MTUS2: variants seen among roughly 807,000 people sequenced by gnomAD.
MTUS2 encodes microtubule-associated tumor suppressor candidate 2.
MTUS2 carries 40 observed loss-of-function variants against 114.1 expected under a neutral mutation model. The ratio of observed to expected loss-of-function variants is 0.35; its 90% confidence interval spans 0.27 to 0.46. The LOEUF (loss-of-function observed/expected upper bound fraction) is 0.46, where lower values mean the gene tolerates loss of function less well. Ranked by LOEUF, MTUS2 falls within the 20% of genes least tolerant of loss-of-function variation. The probability of loss-of-function intolerance (pLI) is 1.00; values close to 1 mark genes in which losing one functional copy is unlikely to be tolerated. For synonymous variants in MTUS2, 688 were observed against 672.0 expected (o/e 1.02, Z -0.37); for missense variants, 1,679 against 1,705.4 (o/e 0.98, Z 0.27).
At chr13:29,311,021 T>C (rs909750292) in intron 6 of MTUS2, among the ~76,000 whole-genome samples, 5 of 152,230 alleles carry the variant, frequency 3.3e-5, no homozygotes, top group Admixed American at 2.6e-4. Context: ...TTGTGATGTA[T>C]GCACACAATG....
intron 4 of MTUS2, among the ~76,000 whole-genome samples, chr13:29,037,804 A>G (rs544661111): frequency 9.9e-5 from 15 of 152,232 alleles, no homozygotes; most frequent in African/African-American, 3.6e-4. Context: ...TGATCGATTC[A>G]GCTATTGATA....
chr13:29,239,971 C>A (rs5802514), intron 5 of MTUS2: 84,816 of 147,830 alleles, frequency 0.57, 24,166 homozygotes, highest in Non-Finnish European at 0.6. Flanking sequence ...GGAAAAAAAA[C>A]AACAACCCAG....
intron 2 of MTUS2, among the ~76,000 whole-genome samples, chr13:28,969,202 T>C (rs2138246159): frequency 6.6e-6 from 1 of 152,032 alleles, no homozygotes; most frequent in Admixed American, 6.5e-5. Context: ...CTACCGTGCC[T>C]GGCTAATTTT....
intron 2 of MTUS2, among the ~76,000 whole-genome samples, chr13:28,930,539 G>A (rs927263515): frequency 4.6e-5 from 7 of 152,200 alleles, no homozygotes; most frequent in East Asian, 1.9e-4. Flanking sequence ...TGAATAGAAG[G>A]TAGAGGAAAA....
intron 6 of MTUS2, among the ~76,000 whole-genome samples, chr13:29,323,483 C>T (rs548192616): frequency 2.6e-5 from 4 of 152,242 alleles, no homozygotes; most frequent in Admixed American, 2.0e-4. Context: ...ATCTCCTGAC[C>T]TCGTGATCCG....
At chr13:29,375,236 A>AT (rs1424098089) in intron 8 of MTUS2, among the ~76,000 whole-genome samples, 2 of 149,938 alleles carry the variant, frequency 1.3e-5, no homozygotes, top group African/African-American at 2.4e-5. Flanking sequence ...AAAGAAAATA[A>AT]TTTTTAAAGA....
intron 8 of MTUS2, chr13:29,428,497 T>G: frequency 9.8e-6 from 3 of 307,326 alleles, no homozygotes; most frequent in Non-Finnish European, 1.8e-5. Flanking sequence ...GGAGCCGGCA[T>G]TGGTAAATGC....
At chr13:29,020,623 T>C (rs978149429) in intron 2 of MTUS2, among the ~76,000 whole-genome samples, 14 of 152,248 alleles carry the variant, frequency 9.2e-5, no homozygotes, top group African/African-American at 3.1e-4. Flanking sequence ...TCCTGTCTTA[T>C]GTGAACTTCC....
chr13:28,854,066 G>C (rs1479202939), intron 2 of MTUS2, among the ~76,000 whole-genome samples: 1 of 152,176 alleles, frequency 6.6e-6, no homozygotes, highest in East Asian at 1.9e-4. Flanking sequence ...AGTGTCCACT[G>C]CTTGAGGGAC....
intron 5 of MTUS2, among the ~76,000 whole-genome samples, chr13:29,247,078 T>C (rs1896954059): frequency 6.6e-6 from 1 of 152,214 alleles, no homozygotes; most frequent in South Asian, 2.1e-4. Flanking sequence ...CACAGATCAA[T>C]TGGACAGAAT....
At chr13:29,042,643 C>A (rs575734259) in intron 4 of MTUS2, among the ~76,000 whole-genome samples, 1 of 152,080 alleles carries the variant, frequency 6.6e-6, no homozygotes, top group East Asian at 1.9e-4. Flanking sequence ...TTCAATCTTG[C>A]TGCTTATTAC....
chr13:29,469,371 G>A (rs1880105643), intron 9 of MTUS2, among the ~76,000 whole-genome samples: 1 of 152,180 alleles, frequency 6.6e-6, no homozygotes, highest in Admixed American at 6.5e-5. Context: ...GCTCACGCCT[G>A]TAATCCCAGC....
intron 5 of MTUS2, among the ~76,000 whole-genome samples, chr13:29,255,713 TG>T (rs1269659577): frequency 9.3e-6 from 1 of 107,968 alleles, no homozygotes; most frequent in African/African-American, 3.6e-5. Flanking sequence ...GCCTGGGGGG[TG>T]GGGGAGGGGG....
intron 2 of MTUS2, among the ~76,000 whole-genome samples, chr13:28,924,303 A>G (rs950185729): frequency 1.3e-5 from 2 of 152,102 alleles, no homozygotes; most frequent in African/African-American, 2.4e-5. Context: ...AGCATGGAGG[A>G]GCAGGGAAAA....
Position 29,188,686 on chromosome 13 carries a change from T to C in MTUS2, c.2644+87716T>C, listed in dbSNP as rs1894323095. Among the ~76,000 whole-genome samples, 3 of 152,134 alleles carry C rather than the reference T, an allele frequency of 2.0e-5. No individual in the cohort carries two copies. The South Asian group carries it at 6.2e-4, about 32-fold the overall frequency. On this transcript the variant is annotated intron_variant, in intron 5 of 15. Coordinates refer to ENST00000612955, the MANE Select transcript of MTUS2 (RefSeq NM_001033602.4). ...GACCAGAGACTCCCTGCTCTGCTGGTGAGTAACACTGACATCACATAGAAA... is the reference window on the plus strand; with the variant it reads ...GACCAGAGACTCCCTGCTCTGCTGGCGAGTAACACTGACATCACATAGAAA...
intron 2 of MTUS2, among the ~76,000 whole-genome samples, chr13:28,955,380 G>A (rs1331697686): frequency 6.6e-6 from 1 of 152,236 alleles, no homozygotes; most frequent in East Asian, 1.9e-4. Context: ...TTTAAGGAAA[G>A]CCTTTATCTT....
intron 8 of MTUS2, among the ~76,000 whole-genome samples, chr13:29,392,602 A>C (rs1220974577): frequency 2.6e-5 from 4 of 152,214 alleles, no homozygotes; most frequent in Non-Finnish European, 5.9e-5. Flanking sequence ...TCTGGTGTAT[A>C]TTTATATGAG....
intron 5 of MTUS2, among the ~76,000 whole-genome samples, chr13:29,218,780 T>C (rs1388064703): frequency 6.6e-6 from 1 of 152,202 alleles, no homozygotes; most frequent in Non-Finnish European, 1.5e-5. Flanking sequence ...AACAGTGGAC[T>C]TAAAATATAT....
At chr13:28,945,166 G>A (rs1046219814) in intron 2 of MTUS2, among the ~76,000 whole-genome samples, 4 of 132,652 alleles carry the variant, frequency 3.0e-5, no homozygotes, top group Admixed American at 1.7e-4. Flanking sequence ...TTTTATGGAT[G>A]AGTAGTATTC....
Sources: allele counts gnomAD v4.1 joint callset (sites outside exome capture counted in the v4.1 genomes callset), GRCh38; gene constraint gnomAD v4.1.1; transcripts MANE v1.5; gene names NCBI Gene and HGNC (gene_info 2026-07-23, HGNC 2026-07-21).